The following FAF1 variants were observed in gnomAD, a reference collection of about 807,000 sequenced individuals.
The protein encoded by FAF1 is FAS-associated factor 1.
In FAF1, 25 loss-of-function variants were observed where a neutral mutation model predicts 92.5. The ratio of observed to expected loss-of-function variants is 0.27; its 90% CI spans 0.20 to 0.38. The LOEUF (loss-of-function observed/expected upper bound fraction) is 0.38. Ranked by LOEUF, FAF1 falls within the 10% of genes least tolerant of loss-of-function variation. The pLI is 1.00. For synonymous variants in FAF1, 234 were observed against 273.2 expected, an observed-to-expected ratio of 0.86 and a Z score of 1.42; for missense variants, 636 against 793.3, an observed-to-expected ratio of 0.80 and a Z score of 2.38.
chr1:50,766,881 G>A lies in FAF1; in HGVS notation c.367+21119C>T, dbSNP rs973373290. 5.1e-4 allele frequency among the ~76,000 whole-genome samples: 77 copies of A among 150,328 alleles called. 1 individual carries two copies. Among genetic ancestry groups the A allele is most frequent in the Non-Finnish European group, 2.9e-5 (2 of 67,832 alleles). ...CTCATACAGATGAGAAAGAACCAGT[G>A]TAAGAACTCTGCCAATTTAAAAAGC... On this transcript the variant is annotated intron_variant, in intron 4 of 18. Coordinates refer to ENST00000396153, the MANE Select transcript of FAF1 (RefSeq NM_007051.3).
intron 15 of FAF1, among the ~76,000 whole-genome samples, chr1:50,502,850 C>A (rs2149017042): frequency 6.6e-6 from 1 of 152,126 alleles, no homozygotes; most frequent in South Asian, 2.1e-4. Context: ...AACAGGGTCT[C>A]ACTCTGTCAC....
chr1:50,717,925 T>G (rs1658243980), intron 6 of FAF1, among the ~76,000 whole-genome samples: 1 of 152,146 alleles, frequency 6.6e-6, no homozygotes, highest in Non-Finnish European at 1.5e-5. Flanking sequence ...GCCTGAATAA[T>G]CGAATAGTGA....
chr1:50,484,431 G>T (rs188429560), intron 17 of FAF1, among the ~76,000 whole-genome samples: 1 of 152,240 alleles, frequency 6.6e-6, no homozygotes, highest in African/African-American at 2.4e-5. Context: ...AAGTACTGAA[G>T]AAATAGTGGA....
chr1:50,503,245 A>T (rs929635401), intron 15 of FAF1, among the ~76,000 whole-genome samples: 1 of 152,226 alleles, frequency 6.6e-6, no homozygotes, highest in African/African-American at 2.4e-5. Context: ...TATTGCAAAT[A>T]CAGTAAATGC....
intron 6 of FAF1, among the ~76,000 whole-genome samples, chr1:50,713,898 C>G (rs889134742): frequency 4.0e-5 from 6 of 151,456 alleles, no homozygotes; most frequent in African/African-American, 1.5e-4. Flanking sequence ...CTCAGCCTCC[C>G]ACGTAGCTGG....
At chr1:50,454,465 A>G (rs1295522005) in intron 18 of FAF1, among the ~76,000 whole-genome samples, 2 of 152,200 alleles carry the variant, frequency 1.3e-5, no homozygotes, top group Non-Finnish European at 2.9e-5. Flanking sequence ...AGTTAATCAT[A>G]GCTGGAATCA....
chr1:50,574,535 C>G (rs1007892020), intron 12 of FAF1, among the ~76,000 whole-genome samples: 3 of 152,128 alleles, frequency 2.0e-5, no homozygotes, highest in Admixed American at 6.5e-5. Flanking sequence ...TACTCCTAGT[C>G]AGCAATAGGC....
At chr1:50,835,567 T>C (rs951784017) in intron 2 of FAF1, among the ~76,000 whole-genome samples, 1 of 97,426 alleles carries the variant, frequency 1.0e-5, no homozygotes, top group African/African-American at 4.6e-5. Context: ...CAAGACTCCA[T>C]CTCAAAAAAA....
chr1:50,739,943 G>A (rs551840482), intron 5 of FAF1, among the ~76,000 whole-genome samples: 1 of 152,186 alleles, frequency 6.6e-6, no homozygotes, highest in African/African-American at 2.4e-5. Context: ...AAAACTTGCT[G>A]AAGTACTTCA....
chr1:50,506,018 G>A (rs768844181), intron 15 of FAF1, among the ~76,000 whole-genome samples: 2 of 152,230 alleles, frequency 1.3e-5, no homozygotes, highest in Non-Finnish European at 2.9e-5. Context: ...AAAGGTCTCA[G>A]AGCAGCCTTT....
At chr1:50,779,997 C>G (rs901982659) in intron 4 of FAF1, among the ~76,000 whole-genome samples, 132 of 149,652 alleles carry the variant, frequency 8.8e-4, no homozygotes, top group South Asian at 4.6e-3. Context: ...GACAGACACA[C>G]ACACACACAC....
intron 7 of FAF1, among the ~76,000 whole-genome samples, chr1:50,675,191 G>A (rs1298113161): frequency 1.3e-5 from 2 of 152,076 alleles, no homozygotes; most frequent in African/African-American, 4.8e-5. Flanking sequence ...CGCCCAGCCA[G>A]ACCTTGTACA....
intron 7 of FAF1, among the ~76,000 whole-genome samples, chr1:50,702,584 T>G (rs1278672886): frequency 6.6e-6 from 1 of 152,090 alleles, no homozygotes; most frequent in Non-Finnish European, 1.5e-5. Flanking sequence ...TGTCACTGCT[T>G]TCTCCCCAAC....
At chr1:50,883,786 G>C (rs1268539300) in intron 1 of FAF1, among the ~76,000 whole-genome samples, 1 of 152,160 alleles carries the variant, frequency 6.6e-6, no homozygotes, top group South Asian at 2.1e-4. Flanking sequence ...GATTTTAGAA[G>C]ATATTATGGA....
chr1:50,764,107 CTTT>C (rs1160725370), intron 4 of FAF1, among the ~76,000 whole-genome samples: 2 of 152,088 alleles, frequency 1.3e-5, no homozygotes, highest in African/African-American at 4.8e-5. Flanking sequence ...TTTCTCATTA[CTTT>C]TTTTGTTCTG....
chr1:50,453,321 G>A (rs904286789), intron 18 of FAF1, among the ~76,000 whole-genome samples: 5 of 152,216 alleles, frequency 3.3e-5, no homozygotes, highest in Non-Finnish European at 5.9e-5. Flanking sequence ...TATCCAAGCA[G>A]GGCCATGCGA....
rs769196154 is a variant in FAF1, at chr1:50,877,361, A to G, written c.46-19364T>C. On this transcript the variant is annotated intron_variant, in intron 1 of 18. Transcript: ENST00000396153. ...TGTACACTTTACAAAATACTTGAAC[A>G]GTATTCTTGAAAACTGTCAGCCATC... is the stretch of plus-strand genomic sequence containing the variant. Among the ~76,000 whole-genome samples, 22 of 152,342 alleles carry G rather than the reference A, an allele frequency of 1.4e-4. No individual in the cohort carries two copies. In the Middle Eastern group the frequency reaches 0.014, roughly 94 times the overall value.
chr1:50,721,054 T>C (rs903877897), intron 6 of FAF1, among the ~76,000 whole-genome samples: 2 of 152,232 alleles, frequency 1.3e-5, no homozygotes, highest in Non-Finnish European at 2.9e-5. Context: ...CTGTTTTATG[T>C]AAATGCAATT....
intron 15 of FAF1, among the ~76,000 whole-genome samples, chr1:50,529,595 G>T (rs1420801727): frequency 2.6e-5 from 4 of 152,214 alleles, no homozygotes; most frequent in African/African-American, 9.6e-5. Context: ...GAGAAACATT[G>T]CCCCAGAAGA....
Sources: gnomAD v4.1 joint callset for allele counts (sites outside exome capture counted in the v4.1 genomes callset) on GRCh38, gnomAD v4.1.1 for gene constraint, MANE v1.5 for transcripts, NCBI Gene and HGNC (gene_info 2026-07-23, HGNC 2026-07-21) for gene names.